Variants in FAM153A observed in about 807,000 individuals in gnomAD.
The protein encoded by FAM153A is protein FAM153A.
In FAM153A, 12 loss-of-function variants were observed where a neutral mutation model predicts 48.1. The observed-to-expected ratio is 0.25, with a 90% CI of 0.16 to 0.40. The LOEUF is 0.40. FAM153A is among the 10% of genes least tolerant of loss of function. The pLI is 1.00. For synonymous variants in FAM153A, 36 were observed against 118.2 expected (o/e 0.30, Z 4.51); for missense variants, 111 against 345.8 (o/e 0.32, Z 5.38).
At chr5:177,707,023 C>T (rs1757938889), downstream of FAM153A, 1 of 151,728 alleles carries the variant, frequency 6.6e-6, no homozygotes, top group South Asian at 2.1e-4. Flanking sequence ...ATGTAAACAC[C>T]CTGACACAGG....
At position 177,771,984 on chromosome 5, in the gene FAM153A, A is replaced by G. The variant is rs1383395728; in HGVS notation, c.-57+8465T>C. Among the ~76,000 whole-genome samples, 4 of 96,792 alleles carry G rather than the reference A, an allele frequency of 4.1e-5. 2 individuals carry two copies. Among genetic ancestry groups the G allele is most frequent in the Admixed American group, 2.1e-4 (2 of 9,354 alleles). 63.5% of individuals were successfully genotyped at this position (96,792 alleles called of 152,430 possible). A position where few individuals can be genotyped will look rare whatever the true frequency, so the allele number is the denominator to read the frequency against. On this transcript the variant is annotated intron_variant, in intron 1 of 8. Transcript: ENST00000393518. Reference sequence around the variant, plus strand: ...CATTTTGCTTGTACTCTTTCATTGTAATCAATTAAAGATCTGAATATGATT... The same window carrying G: ...CATTTTGCTTGTACTCTTTCATTGTGATCAATTAAAGATCTGAATATGATT...
chr5:177,694,809 T>G, the FAM153A span, among the ~76,000 whole-genome samples: 1 of 144,706 alleles, frequency 6.9e-6, no homozygotes, highest in South Asian at 2.3e-4. Context: ...TTATAGCTTA[T>G]CTGCTTTTTC....
chr5:177,778,411 A>C, intron 1 of FAM153A, among the ~76,000 whole-genome samples: 1 of 94,182 alleles, frequency 1.1e-5, no homozygotes, highest in Admixed American at 1.1e-4. Context: ...TTCTAGAAAA[A>C]AAAAAAAATG....
intron 1 of FAM153A, among the ~76,000 whole-genome samples, chr5:177,759,329 A>G (rs568111934): frequency 1.3e-5 from 2 of 151,868 alleles, no homozygotes; most frequent in Admixed American, 1.3e-4. Context: ...CAGGTGCTGG[A>G]GAGGATGTGG....
At chr5:177,698,271 T>G in the FAM153A span, among the ~76,000 whole-genome samples, 1 of 151,918 alleles carries the variant, frequency 6.6e-6, no homozygotes, top group African/African-American at 2.4e-5. Flanking sequence ...ATCATTACTT[T>G]TATAATCATG....
chr5:177,715,288 A>G (rs894221585), intron 25 of FAM153A, among the ~76,000 whole-genome samples: 3 of 143,748 alleles, frequency 2.1e-5, no homozygotes, highest in Admixed American at 6.9e-5. Context: ...GGCCATCTCT[A>G]TTTCTTATAC....
chr5:177,766,156 C>T (rs181005215), intron 1 of FAM153A, among the ~76,000 whole-genome samples: 4,630 of 95,000 alleles, frequency 0.049, 667 homozygotes, highest in Middle Eastern at 0.13. Context: ...AAAAACATGC[C>T]AATAGGATAA....
chr5:177,700,426 GAAAA>G, the FAM153A span, among the ~76,000 whole-genome samples: 1 of 151,858 alleles, frequency 6.6e-6, no homozygotes, highest in African/African-American at 2.4e-5. Context: ...CCTGAATATA[GAAAA>G]TCCTAAGGCA....
intron 1 of FAM153A, among the ~76,000 whole-genome samples, chr5:177,768,950 G>A (rs1768930012): frequency 2.1e-5 from 2 of 97,344 alleles, no homozygotes; most frequent in South Asian, 7.7e-4. Flanking sequence ...CCAGCCGGGT[G>A]CAGTGGCTCA....
intron 10 of FAM153A, among the ~76,000 whole-genome samples, chr5:177,738,863 A>C (rs958025549): frequency 2.0e-5 from 3 of 151,248 alleles, no homozygotes; most frequent in African/African-American, 7.4e-5. Flanking sequence ...CTATACATAG[A>C]CTCTCTTCTT....
In FAM153A at chr5:177,732,522, T is replaced by C. The variant is rs993904954; in HGVS notation, c.761-422A>G. Among the ~76,000 whole-genome samples the C allele has an allele frequency of 4.5e-5, 4 of 89,858 alleles. 1 individual carries two copies. The highest frequency in any genetic ancestry group is 8.3e-5 in the African/African-American group (2 of 24,152). 59.0% of individuals were successfully genotyped at this position (89,858 alleles called of 152,430 possible). ...CTCCCAGAACTTGCTTTTTTTTTTTTTTTTTGAGATGGAGTTTCTCTTTTC... is the reference window on the plus strand; with the variant it reads ...CTCCCAGAACTTGCTTTTTTTTTTTCTTTTTGAGATGGAGTTTCTCTTTTC... On this transcript the variant is annotated intron_variant, in intron 14 of 20. Coordinates refer to ENST00000614127, the Ensembl canonical transcript of FAM153A.
chr5:177,761,474 C>T (rs1243849075), intron 1 of FAM153A, among the ~76,000 whole-genome samples: 2 of 151,900 alleles, frequency 1.3e-5, no homozygotes, highest in African/African-American at 4.8e-5. Context: ...GGTGATGAGG[C>T]CAAGGCATCA....
intron 24 of FAM153A, among the ~76,000 whole-genome samples, chr5:177,716,660 A>G (rs1481231951): frequency 1.3e-5 from 2 of 151,866 alleles, no homozygotes; most frequent in African/African-American, 4.9e-5. Context: ...AATAGTCACT[A>G]TTTAGTAAAA....
the FAM153A span, among the ~76,000 whole-genome samples, chr5:177,697,073 A>T: frequency 6.6e-6 from 1 of 151,862 alleles, no homozygotes; most frequent in African/African-American, 2.4e-5. Flanking sequence ...CCAATCCATA[A>T]ATATGGATGT....
rs571569067 is a variant in FAM153A at position 177,730,714 on chromosome 5, C to T, written c.862+855G>A. Among the ~76,000 whole-genome samples, 255 of 145,928 alleles carry T rather than the reference C, an allele frequency of 1.7e-3. 10 individuals are homozygous for T. The highest frequency in any genetic ancestry group is 6.2e-3 in the African/African-American group (243 of 39,126). On this transcript the variant is annotated intron_variant, in intron 16 of 20. Transcript: ENST00000614127. The stretch of plus-strand genomic sequence containing the variant: ...ACAAATTCAGTGTAGTAGCTCATGC[C>T]ATTAACCTTCCACTCATCCCCGAGT...
chr5:177,753,922 C>T (rs367674415), upstream of FAM153A, among the ~76,000 whole-genome samples: 24 of 151,888 alleles, frequency 1.6e-4, no homozygotes, highest in East Asian at 9.6e-4. Context: ...ATGCAGAATA[C>T]GAAGGATTTC....
upstream of FAM153A, chr5:177,753,232 T>A (rs574147541): frequency 1.9e-6 from 3 of 1,600,728 alleles, no homozygotes. Flanking sequence ...ACAACTAAGC[T>A]GCGTTTACTG....
the FAM153A span, among the ~76,000 whole-genome samples, chr5:177,699,648 T>G: frequency 6.6e-6 from 1 of 152,262 alleles, no homozygotes; most frequent in Non-Finnish European, 1.5e-5. Context: ...CTACTGAAAT[T>G]GACTCAAGAA....
At chr5:177,750,005 A>G (rs71222242) in intron 2 of FAM153A, 179 of 147,312 alleles carry the variant, frequency 1.2e-3, no homozygotes, top group African/African-American at 4.5e-3. Context: ...GTCTTCAGGC[A>G]GTGAGTGAAC....
Sources: allele counts gnomAD v4.1 joint callset (sites outside exome capture counted in the v4.1 genomes callset), GRCh38; gene constraint gnomAD v4.1.1; transcripts MANE v1.5; gene names NCBI Gene and HGNC (gene_info 2026-07-23, HGNC 2026-07-21).